Variants in GRIK3 observed in about 807,000 individuals in gnomAD.
GRIK3 encodes the protein glutamate receptor ionotropic, kainate 3.
GRIK3 carries 29 observed loss-of-function variants against 102.5 expected under a neutral mutation model. The ratio of observed to expected loss-of-function variants is 0.28; its 90% CI spans 0.21 to 0.39. The LOEUF (loss-of-function observed/expected upper bound fraction) is 0.39, where lower values mean the gene tolerates loss of function less well. GRIK3 is among the 10% of genes least tolerant of loss of function. The pLI is 1.00. For missense variants in GRIK3, 908 were observed against 1,252.4 expected (o/e 0.73, Z 4.15); for synonymous variants, 511 against 504.9 (o/e 1.01, Z -0.16).
At chr1:36,898,453 T>A (rs967249106) in intron 1 of GRIK3, among the ~76,000 whole-genome samples, 3 of 152,126 alleles carry the variant, frequency 2.0e-5, no homozygotes, top group African/African-American at 7.2e-5. Context: ...CTCATAAATA[T>A]ATACATCTAT....
chr1:36,921,442 G>A lies in GRIK3; in HGVS notation c.116-30346C>T, dbSNP rs188376675. Among the ~76,000 whole-genome samples the A allele has an allele frequency of 4.2e-4, 64 of 152,278 alleles. 1 individual carries two copies. The highest frequency in any genetic ancestry group is 7.4e-5 in the Non-Finnish European group (5 of 68,024). ...CTGAAGGATGATTATGATGGTCTGC[G>A]TGACCTTTAACACTGCTTAACCTCT... On this transcript the variant is annotated intron_variant, in intron 1 of 15. Coordinates refer to ENST00000373091, the MANE Select transcript of GRIK3 (RefSeq NM_000831.4).
At chr1:36,817,369 T>G (rs1409547298) in intron 12 of GRIK3, 92 bp from the exon 13 acceptor site, 6 of 868,168 alleles carry the variant, frequency 6.9e-6, no homozygotes, top group African/African-American at 3.3e-5. Flanking sequence ...GATACTCTAA[T>G]GAAAGCTAAG....
At chr1:36,863,291 A>G (rs898112131) in intron 5 of GRIK3, among the ~76,000 whole-genome samples, 1 of 151,876 alleles carries the variant, frequency 6.6e-6, no homozygotes, top group African/African-American at 2.4e-5. Context: ...ACTCATGCCC[A>G]CTGCCAGGGC....
Position 36,805,026 on chromosome 1 carries a change from C to T in GRIK3, c.2526G>A (p.Glu842=). ...LVLSVLVAVG[E]FVYKLRKTAE... Reference sequence around the variant, plus strand: ...CTGTTTTGCGGAGCTTGTACACAAACTCGCCCACGGCCACCAGCACAGAGA... The same window carrying T: ...CTGTTTTGCGGAGCTTGTACACAAATTCGCCCACGGCCACCAGCACAGAGA... The change falls in exon 15 of 16, where the codon GAG becomes GAA. Residue 842 remains glutamate, a synonymous_variant. Transcript: ENST00000373091. The T allele has an allele frequency of 1.2e-6, 2 of 1,614,234 alleles. No homozygotes were observed. The highest frequency in any genetic ancestry group is 1.7e-6 in the Non-Finnish European group (2 of 1,180,038).
At chr1:36,911,581 C>T (rs1432545340) in intron 1 of GRIK3, among the ~76,000 whole-genome samples, 1 of 152,000 alleles carries the variant, frequency 6.6e-6, no homozygotes, top group Non-Finnish European at 1.5e-5. Context: ...AGGGGGACTC[C>T]TGATTGAGTT....
chr1:36,876,835 A>G (rs1640916815), intron 3 of GRIK3, among the ~76,000 whole-genome samples: 2 of 152,228 alleles, frequency 1.3e-5, no homozygotes, highest in Non-Finnish European at 2.9e-5. Flanking sequence ...TTCTTGATCA[A>G]ACTCACTGAC....
chr1:36,949,308 C>T (rs1032234186), intron 1 of GRIK3, among the ~76,000 whole-genome samples: 2 of 152,130 alleles, frequency 1.3e-5, no homozygotes, highest in Non-Finnish European at 2.9e-5. Context: ...TCATGGTGGC[C>T]TCCAGTCCCC....
chr1:37,033,854 G>A lies in GRIK3; in HGVS notation c.115+140C>T, dbSNP rs61768884. The A allele has an allele frequency of 4.3e-3, 2,243 of 519,380 alleles. 10 individuals carry two copies. The highest frequency in any genetic ancestry group is 6.5e-3 in the Middle Eastern group (16 of 2,446). 32.2% of individuals were successfully genotyped at this position (519,380 alleles called of 1,614,324 possible). ...CGACTCTGGAACTTTGTCCTCACAG[G>A]GAGGAGCTCCTGGTGGTCACCGATC... is the stretch of plus-strand genomic sequence containing the variant. On this transcript the variant is annotated intron_variant, in intron 1 of 15. Transcript: ENST00000373091.
intron 1 of GRIK3, among the ~76,000 whole-genome samples, chr1:36,961,280 G>T (rs951825460): frequency 2.0e-5 from 3 of 152,260 alleles, no homozygotes; most frequent in Non-Finnish European, 4.4e-5. Flanking sequence ...CAGGCTAGGG[G>T]TGAAGGGGCA....
In GRIK3 at chr1:36,882,699, C is replaced by T. The variant is rs1023037415; in HGVS notation, c.293-1808G>A. Among the ~76,000 whole-genome samples the T allele has an allele frequency of 8.5e-5, 13 of 152,148 alleles. No homozygotes were observed. The South Asian group carries it at 1.2e-3, about 15-fold the overall frequency. On this transcript the variant is annotated intron_variant, in intron 2 of 15. Coordinates refer to ENST00000373091, the MANE Select transcript of GRIK3 (RefSeq NM_000831.4). ...ATCCACTGGACTGAGAAAGGGGCAC[C>T]TCCCTCTTTAAGTGAACCTTCAAGG... is the stretch of plus-strand genomic sequence containing the variant.
chr1:36,880,532 T>C lies in GRIK3; in HGVS notation c.550+102A>G. 1 of 1,187,112 alleles carries C rather than the reference T, an allele frequency of 8.4e-7. No individual in the cohort carries two copies. Among genetic ancestry groups the C allele is most frequent in the African/African-American group, 1.5e-5 (1 of 66,876 alleles). 73.5% of individuals were successfully genotyped at this position (1,187,112 alleles called of 1,614,324 possible). A position where few individuals can be genotyped will look rare whatever the true frequency, so the allele number is the denominator to read the frequency against. ...GAACTGGGGTATGGAACACAGCCTC[T>C]TCCCCCAGGGCAGCTGTGCTGAACA... On this transcript the variant is annotated intron_variant, in intron 3 of 15. Coordinates refer to ENST00000373091, the MANE Select transcript of GRIK3 (RefSeq NM_000831.4). This position sits in a 1 kb window ranked among gnomAD's most constrained non-coding sequence, Gnocchi z 5.4.
At chr1:36,876,885 A>T (rs1640917483) in intron 3 of GRIK3, among the ~76,000 whole-genome samples, 1 of 152,238 alleles carries the variant, frequency 6.6e-6, no homozygotes, top group Non-Finnish European at 1.5e-5. Flanking sequence ...GTTGAACTGA[A>T]TTGAGTTGAA....
chr1:36,834,896 A>C (rs1640353810), intron 10 of GRIK3, among the ~76,000 whole-genome samples: 1 of 152,168 alleles, frequency 6.6e-6, no homozygotes, highest in South Asian at 2.1e-4. Flanking sequence ...ATCCACCCAG[A>C]CATGTGTCTT....
chr1:36,992,762 A>G (rs1474669391), intron 1 of GRIK3, among the ~76,000 whole-genome samples: 2 of 152,218 alleles, frequency 1.3e-5, no homozygotes, highest in Non-Finnish European at 2.9e-5. Flanking sequence ...AGCGGCTTCC[A>G]TGCATCAGCT....
At chr1:36,899,323 T>C (rs9426048) in intron 1 of GRIK3, among the ~76,000 whole-genome samples, 3,211 of 152,224 alleles carry the variant, frequency 0.021, 116 homozygotes, top group East Asian at 0.12. Context: ...GAACAATTAA[T>C]ATCCAGAACA....
chr1:36,835,595 G>A (rs568395257), intron 10 of GRIK3, among the ~76,000 whole-genome samples: 38 of 152,224 alleles, frequency 2.5e-4, no homozygotes, highest in African/African-American at 8.4e-4. Context: ...TTGAGTAATG[G>A]CATAATCCCC....
Position 37,022,954 on chromosome 1 carries a change from G to A in GRIK3, c.115+11040C>T, listed in dbSNP as rs535222011. 7.0e-4 allele frequency among the ~76,000 whole-genome samples: 106 copies of A among 152,290 alleles called. 1 individual carries two copies. Among genetic ancestry groups the A allele is most frequent in the African/African-American group, 2.3e-3 (95 of 41,558 alleles). On this transcript the variant is annotated intron_variant, in intron 1 of 15. Transcript: ENST00000373091. ...TAGAGGGTGCTGTGGGACTCAGAAGGGGATGGAGGTTGAGAAATGCTTCCT... is the reference window on the plus strand; with the variant it reads ...TAGAGGGTGCTGTGGGACTCAGAAGAGGATGGAGGTTGAGAAATGCTTCCT...
At position 36,827,206 on chromosome 1, in the gene GRIK3, G is replaced by T. The variant is rs148029878; in HGVS notation, c.1531-1380C>A. On this transcript the variant is annotated intron_variant, in intron 10 of 15. Coordinates refer to ENST00000373091, the MANE Select transcript of GRIK3 (RefSeq NM_000831.4). The stretch of plus-strand genomic sequence containing the variant: ...ATTTGCCTGTGAATTTCTGAGTGCG[G>T]CTGGAGCTGGGGCGGAGTCTCTGCT... 7.0e-3 allele frequency among the ~76,000 whole-genome samples: 1,068 copies of T among 152,294 alleles called. 10 individuals carry two copies. The highest frequency in any genetic ancestry group is 0.027 in the Middle Eastern group (8 of 294).
Position 36,795,569 on chromosome 1 carries a change from T to G in GRIK3, c.*6282A>C, listed in dbSNP as rs996941044. 15 of 152,178 alleles carry G rather than the reference T, an allele frequency of 9.9e-5. No homozygotes were observed. The highest frequency in any genetic ancestry group is 5.9e-5 in the Non-Finnish European group (4 of 68,020). The allele number at this position is 152,178 out of a possible 1,614,324, so 9.4% of individuals were successfully genotyped here. On this transcript the variant is annotated 3_prime_UTR_variant, in exon 16 of 16. Coordinates refer to ENST00000373091, the MANE Select transcript of GRIK3 (RefSeq NM_000831.4). ...ATTTTATTTAAAATTTAAAACCATA[T>G]TACTTCATACAGCAAACTGTGCACT... is the stretch of plus-strand genomic sequence containing the variant.
Sources: gnomAD v4.1 joint callset for allele counts (sites outside exome capture counted in the v4.1 genomes callset) on GRCh38, gnomAD v4.1.1 for gene constraint, Gnocchi (gnomAD v3.1) non-coding constraint, MANE v1.5 for transcripts, NCBI Gene and HGNC (gene_info 2026-07-23, HGNC 2026-07-21) for gene names.